Variants in CELF2 observed in about 807,000 individuals in gnomAD.
CELF2 encodes the protein CUG triplet repeat RNA-binding protein 2.
In CELF2, 8 loss-of-function variants were observed where a neutral mutation model predicts 62.6. The ratio of observed to expected loss-of-function variants is 0.13; its 90% CI spans 0.07 to 0.23. CELF2 has a LOEUF of 0.23. CELF2 is among the 10% of genes least tolerant of loss of function. CELF2 has a pLI of 1.00. For synonymous variants in CELF2, 258 were observed against 250.0 expected (o/e 1.03, Z -0.30); for missense variants, 333 against 671.0 (o/e 0.50, Z 5.56).
the CELF2 span, among the ~76,000 whole-genome samples, chr10:10,521,739 G>C: frequency 6.6e-6 from 1 of 152,154 alleles, no homozygotes; most frequent in African/African-American, 2.4e-5. Context: ...ACTTCCTTGA[G>C]TTGTTAGCTA....
At chr10:10,579,460 C>T in the CELF2 span, among the ~76,000 whole-genome samples, 1 of 152,116 alleles carries the variant, frequency 6.6e-6, no homozygotes, top group Non-Finnish European at 1.5e-5. Context: ...AGGTTGTTAA[C>T]TCATTGTTTA....
intron 1 of CELF2, among the ~76,000 whole-genome samples, chr10:10,848,096 A>G (rs942269013): frequency 2.0e-5 from 3 of 152,050 alleles, no homozygotes; most frequent in African/African-American, 7.2e-5. Context: ...TTCCCGCTAT[A>G]TTGTGCATAT....
At chr10:10,892,557 C>A (rs1265331597) in intron 1 of CELF2, among the ~76,000 whole-genome samples, 1 of 152,194 alleles carries the variant, frequency 6.6e-6, no homozygotes, top group Non-Finnish European at 1.5e-5. Flanking sequence ...TAGAAATCTC[C>A]GTTTATCAAA....
intron 1 of CELF2, among the ~76,000 whole-genome samples, chr10:11,149,177 T>A (rs181352746): frequency 6.6e-6 from 1 of 152,270 alleles, no homozygotes; most frequent in Non-Finnish European, 1.5e-5. Context: ...TTCAAGCGAT[T>A]CTCATGCCTC....
At chr10:10,617,800 T>C in the CELF2 span, among the ~76,000 whole-genome samples, 1 of 152,064 alleles carries the variant, frequency 6.6e-6, no homozygotes, top group Non-Finnish European at 1.5e-5. Flanking sequence ...TGGAAGTAAG[T>C]AACCATGCAC....
At chr10:10,596,005 A>G in the CELF2 span, among the ~76,000 whole-genome samples, 27 of 152,310 alleles carry the variant, frequency 1.8e-4, no homozygotes, top group East Asian at 3.5e-3. Context: ...CTGTAACACT[A>G]CTGCTTCAAT....
chr10:11,009,012 G>A (rs1038498476), intron 1 of CELF2, among the ~76,000 whole-genome samples: 5 of 143,864 alleles, frequency 3.5e-5, no homozygotes, highest in Non-Finnish European at 3.1e-5. Context: ...TTGCGGGGGG[G>A]GGGGGGGAGC....
the CELF2 span, among the ~76,000 whole-genome samples, chr10:10,699,202 T>G: frequency 6.6e-6 from 1 of 152,340 alleles, no homozygotes; most frequent in South Asian, 2.1e-4. Flanking sequence ...TTCATATCTG[T>G]ATATATACAC....
the CELF2 span, among the ~76,000 whole-genome samples, chr10:10,658,366 T>C: frequency 6.6e-6 from 1 of 152,226 alleles, no homozygotes; most frequent in African/African-American, 2.4e-5. Context: ...CTTTTGTAGA[T>C]TACCTTACAT....
At chr10:11,271,043 A>G (rs1024088183) in intron 7 of CELF2, among the ~76,000 whole-genome samples, 4 of 152,236 alleles carry the variant, frequency 2.6e-5, no homozygotes, top group Non-Finnish European at 5.9e-5. Context: ...AAAGTCCCAC[A>G]GGTTAAACTT....
At chr10:10,465,390 A>C in the CELF2 span, among the ~76,000 whole-genome samples, 1 of 152,230 alleles carries the variant, frequency 6.6e-6, no homozygotes, top group South Asian at 2.1e-4. Flanking sequence ...GTATCAGGCT[A>C]TTGGGATCAA....
the CELF2 span, among the ~76,000 whole-genome samples, chr10:10,488,492 T>C: frequency 5.0e-4 from 76 of 152,296 alleles, no homozygotes; most frequent in Admixed American, 1.0e-3. Context: ...TATTGAATCT[T>C]TATTCAGTAT....
chr10:10,940,205 G>A (rs1038728986), intron 2 of CELF2, among the ~76,000 whole-genome samples: 3 of 152,066 alleles, frequency 2.0e-5, no homozygotes, highest in Non-Finnish European at 4.4e-5. Flanking sequence ...GGCACTTGGG[G>A]GAATTATACT....
the CELF2 span, among the ~76,000 whole-genome samples, chr10:10,475,164 C>T: frequency 6.6e-6 from 1 of 152,038 alleles, no homozygotes; most frequent in Admixed American, 6.6e-5. Context: ...TTTGTGTACA[C>T]ATTTGATGAT....
intron 1 of CELF2, among the ~76,000 whole-genome samples, chr10:11,095,317 G>A (rs2142143254): frequency 6.6e-6 from 1 of 152,294 alleles, no homozygotes; most frequent in South Asian, 2.1e-4. Context: ...TTGCATTTGG[G>A]TGGAAGTAGT....
At chr10:11,112,602 C>T (rs560598156) in intron 1 of CELF2, among the ~76,000 whole-genome samples, 1 of 152,154 alleles carries the variant, frequency 6.6e-6, no homozygotes, top group South Asian at 2.1e-4. Context: ...TGGTGGATAG[C>T]GAAAGATGTC....
chr10:10,573,578 A>C, the CELF2 span, among the ~76,000 whole-genome samples: 1 of 152,330 alleles, frequency 6.6e-6, no homozygotes, highest in African/African-American at 2.4e-5. Flanking sequence ...CAATGAAATA[A>C]GAGCAGGAAA....
At chr10:11,004,306 C>T (rs987628698), upstream of CELF2, among the ~76,000 whole-genome samples, 3 of 152,234 alleles carry the variant, frequency 2.0e-5, no homozygotes, top group East Asian at 1.9e-4. The surrounding 1 kb of genome is among the most constrained non-coding windows in gnomAD (Gnocchi z 5.0). Context: ...CCAAGCTGAG[C>T]GCATTCTTGG....
the CELF2 span, among the ~76,000 whole-genome samples, chr10:10,701,326 G>A: frequency 5.4e-4 from 82 of 152,276 alleles, no homozygotes; most frequent in Non-Finnish European, 1.1e-3. Flanking sequence ...GTATGAGCTC[G>A]GCTCCAAATG....
Sources: gnomAD v4.1 joint callset for allele counts (sites outside exome capture counted in the v4.1 genomes callset) on GRCh38, gnomAD v4.1.1 for gene constraint, Gnocchi (gnomAD v3.1) non-coding constraint, MANE v1.5 for transcripts, NCBI Gene and HGNC (gene_info 2026-07-23, HGNC 2026-07-21) for gene names.